The following DNM3 variants were observed in gnomAD, a reference collection of about 807,000 sequenced individuals.
DNM3 encodes the protein dynamin 3.
In DNM3, 47 loss-of-function variants were observed where a neutral mutation model predicts 101.6. The ratio of observed to expected loss-of-function variants is 0.46; its 90% CI spans 0.37 to 0.59. The LOEUF (loss-of-function observed/expected upper bound fraction) is 0.59, where lower values mean the gene tolerates loss of function less well. Ranked by LOEUF, DNM3 falls within the 20% of genes least tolerant of loss-of-function variation. DNM3 has a pLI of 0.00. For missense variants in DNM3, 849 were observed against 1,085.7 expected, an observed-to-expected ratio of 0.78 and a Z score of 3.06; for synonymous variants, 385 against 387.9, an observed-to-expected ratio of 0.99 and a Z score of 0.09.
chr1:171,988,392 TA>T (rs2045416684), intron 3 of DNM3, among the ~76,000 whole-genome samples: 1 of 151,914 alleles, frequency 6.6e-6, no homozygotes, highest in African/African-American at 2.4e-5. Context: ...TTCCCAAGGG[TA>T]CTTGGTGCCA....
chr1:172,314,285 G>A (rs1225172811), intron 16 of DNM3, among the ~76,000 whole-genome samples: 1 of 152,188 alleles, frequency 6.6e-6, no homozygotes, highest in Non-Finnish European at 1.5e-5. Context: ...AACAGCTCCG[G>A]TCTACAGCTC....
intron 14 of DNM3, among the ~76,000 whole-genome samples, chr1:172,199,002 G>A (rs753542608): frequency 6.6e-6 from 1 of 151,958 alleles, no homozygotes; most frequent in Non-Finnish European, 1.5e-5. Flanking sequence ...GTAAATTCAG[G>A]TTGTTAATTT....
chr1:172,347,169 A>G (rs1178739647), intron 17 of DNM3, among the ~76,000 whole-genome samples: 1 of 149,606 alleles, frequency 6.7e-6, no homozygotes. Context: ...CTGGGTTAGT[A>G]CCACCCTCAG....
intron 2 of DNM3, among the ~76,000 whole-genome samples, chr1:171,935,237 T>A (rs1180418868): frequency 6.6e-6 from 1 of 152,134 alleles, no homozygotes; most frequent in Non-Finnish European, 1.5e-5. Flanking sequence ...AATATTTAAC[T>A]GCTTGTCTCC....
chr1:172,014,673 T>G (rs1300836587), intron 4 of DNM3, among the ~76,000 whole-genome samples: 1 of 152,216 alleles, frequency 6.6e-6, no homozygotes, highest in African/African-American at 2.4e-5. Context: ...AGTATTTTTG[T>G]GTATTTTGGA....
At chr1:172,257,373 G>C (rs1347522048) in intron 15 of DNM3, among the ~76,000 whole-genome samples, 1 of 152,098 alleles carries the variant, frequency 6.6e-6, no homozygotes, top group African/African-American at 2.4e-5. Context: ...AGGTCGCTTT[G>C]TGATTGTGAG....
intron 15 of DNM3, among the ~76,000 whole-genome samples, chr1:172,259,804 A>G (rs955708320): frequency 2.0e-5 from 3 of 151,652 alleles, no homozygotes; most frequent in South Asian, 4.2e-4. Flanking sequence ...ATTGTTTTTT[A>G]TATCCTTTTT....
chr1:172,096,120 C>T (rs924914410), intron 13 of DNM3, among the ~76,000 whole-genome samples: 39 of 152,316 alleles, frequency 2.6e-4, no homozygotes, highest in African/African-American at 7.5e-4. Context: ...CTTACTGAAA[C>T]ATCACTTCTG....
chr1:172,226,247 T>C (rs1573020515), intron 14 of DNM3, among the ~76,000 whole-genome samples: 4 of 152,294 alleles, frequency 2.6e-5, no homozygotes, highest in Non-Finnish European at 1.5e-5. Context: ...CAGACAAGTA[T>C]CAAAGTCTCC....
intron 18 of DNM3, 99 bp downstream of exon 18, chr1:172,379,281 T>G: frequency 6.9e-6 from 7 of 1,013,646 alleles, no homozygotes; most frequent in Non-Finnish European, 1.0e-5. Context: ...TCTGGATAGT[T>G]CAAATAATAT....
intron 13 of DNM3, among the ~76,000 whole-genome samples, chr1:172,103,736 C>G (rs1365998545): frequency 2.0e-5 from 3 of 152,190 alleles, no homozygotes; most frequent in Non-Finnish European, 4.4e-5. Context: ...GGCGCGGCGG[C>G]TCACGCCTGT....
chr1:171,956,956 G>A (rs1011539311), intron 2 of DNM3, among the ~76,000 whole-genome samples: 1 of 152,094 alleles, frequency 6.6e-6, no homozygotes, highest in African/African-American at 2.4e-5. Context: ...GGGATATAGG[G>A]CACCAAGTCC....
chr1:172,228,062 G>A (rs1245022954), intron 14 of DNM3, among the ~76,000 whole-genome samples: 2 of 151,750 alleles, frequency 1.3e-5, no homozygotes, highest in Non-Finnish European at 2.9e-5. Context: ...TGAGTATTAT[G>A]GCTATTAACT....
intron 2 of DNM3, among the ~76,000 whole-genome samples, chr1:171,975,132 T>C (rs1411108717): frequency 3.9e-5 from 6 of 152,176 alleles, no homozygotes; most frequent in Non-Finnish European, 1.5e-5. Flanking sequence ...AGTAGGATTA[T>C]AGGCATGAGC....
intron 10 of DNM3, among the ~76,000 whole-genome samples, chr1:172,056,908 G>A (rs1347395943): frequency 1.3e-5 from 2 of 152,038 alleles, no homozygotes; most frequent in East Asian, 3.9e-4. Context: ...GCTACGGGAG[G>A]ACATTCAAAC....
intron 20 of DNM3, among the ~76,000 whole-genome samples, chr1:172,403,711 A>G (rs2070678742): frequency 6.6e-6 from 1 of 152,140 alleles, no homozygotes; most frequent in Non-Finnish European, 1.5e-5. Context: ...TGGCTCTTCT[A>G]TGTAACCATA....
At chr1:172,041,875 A>G (rs1237719700) in intron 7 of DNM3, 134 bp from the exon 8 acceptor site, 6 of 822,020 alleles carry the variant, frequency 7.3e-6, no homozygotes, top group Non-Finnish European at 1.1e-5. Context: ...CATAGAGTGC[A>G]ATGTTAACTC....
At chr1:172,222,128 C>T (rs537939749) in intron 14 of DNM3, among the ~76,000 whole-genome samples, 6 of 152,198 alleles carry the variant, frequency 3.9e-5, no homozygotes, top group East Asian at 3.9e-4. Flanking sequence ...TTGTTTCTGA[C>T]GAAAACTCAT....
At chr1:172,344,229 T>C (rs1207802163) in intron 17 of DNM3, among the ~76,000 whole-genome samples, 3 of 152,232 alleles carry the variant, frequency 2.0e-5, no homozygotes, top group African/African-American at 7.2e-5. Context: ...CTCTCATTGG[T>C]TTAATTTCTG....
Sources: gnomAD v4.1 joint callset for allele counts (sites outside exome capture counted in the v4.1 genomes callset) on GRCh38, gnomAD v4.1.1 for gene constraint, MANE v1.5 for transcripts, NCBI Gene and HGNC (gene_info 2026-07-23, HGNC 2026-07-21) for gene names.